Variants in PPME1 observed in about 807,000 individuals in gnomAD.
The protein encoded by PPME1 is testicular secretory protein Li 39.
In PPME1, 17 loss-of-function variants were observed where a neutral mutation model predicts 56.9. That is an observed-to-expected ratio of 0.30 (90% CI 0.20 to 0.45). The LOEUF is 0.45. Ranked by LOEUF, PPME1 falls within the 20% of genes least tolerant of loss-of-function variation. The probability of loss-of-function intolerance (pLI) is 1.00; values close to 1 mark genes in which losing one functional copy is unlikely to be tolerated. For missense variants in PPME1, 357 were observed against 483.2 expected (o/e 0.74, Z 2.45); for synonymous variants, 122 against 156.2 (o/e 0.78, Z 1.63).
chr11:74,173,383 G>T (rs1857331459), intron 1 of PPME1, among the ~76,000 whole-genome samples: 1 of 151,826 alleles, frequency 6.6e-6, no homozygotes, highest in African/African-American at 2.4e-5. Context: ...ACATTCCTTA[G>T]ATAAGCTTAA....
chr11:74,209,931 C>T (rs1259977169), intron 3 of PPME1, among the ~76,000 whole-genome samples: 1 of 152,144 alleles, frequency 6.6e-6, no homozygotes, highest in Non-Finnish European at 1.5e-5. Context: ...CATAGTGGCA[C>T]ATAACCTATA....
chr11:74,253,635 G>C lies in PPME1; in HGVS notation c.*125G>C. The C allele has an allele frequency of 2.7e-6, 3 of 1,104,744 alleles. No individual in the cohort carries two copies. The highest frequency in any genetic ancestry group is 4.1e-6 in the Non-Finnish European group (3 of 726,400). The allele number at this position is 1,104,744 out of a possible 1,614,324, so 68.4% of individuals were successfully genotyped here. A position where few individuals can be genotyped will look rare whatever the true frequency, so the allele number is the denominator to read the frequency against. ...CATGTGACACTGGCTCCCGGTAGAC[G>C]GGCACCCCGAGATGTACCAACCTTT... On this transcript the variant is annotated 3_prime_UTR_variant, in exon 14 of 14. Coordinates refer to ENST00000328257, the MANE Select transcript of PPME1 (RefSeq NM_016147.3).
intron 3 of PPME1, among the ~76,000 whole-genome samples, chr11:74,220,446 G>C (rs1195936716): frequency 1.3e-5 from 2 of 152,132 alleles, no homozygotes; most frequent in Non-Finnish European, 2.9e-5. Context: ...TTTGCCCCTG[G>C]GCAGTAGTAT....
intron 3 of PPME1, among the ~76,000 whole-genome samples, chr11:74,207,840 G>C (rs1237956144): frequency 6.6e-6 from 1 of 152,198 alleles, no homozygotes; most frequent in Non-Finnish European, 1.5e-5. Context: ...ATGGTTTTCA[G>C]CTTTGGTACC....
intron 4 of PPME1, chr11:74,222,603 C>A: frequency 2.2e-6 from 1 of 453,340 alleles, no homozygotes; most frequent in Non-Finnish European, 4.1e-6. Context: ...ATTATCCTGC[C>A]TCAGTCTCCC....
chr11:74,202,755 A>C (rs779359901), intron 1 of PPME1, among the ~76,000 whole-genome samples: 1 of 152,200 alleles, frequency 6.6e-6, no homozygotes, highest in Non-Finnish European at 1.5e-5. Context: ...ATTTTTTAAT[A>C]ATACATGATC....
At chr11:74,231,451 G>A (rs945723083) in intron 7 of PPME1, among the ~76,000 whole-genome samples, 23 of 152,116 alleles carry the variant, frequency 1.5e-4, no homozygotes, top group Non-Finnish European at 3.2e-4. Flanking sequence ...TTCTTTTTTA[G>A]GTCAAGCACC....
At chr11:74,187,650 C>G (rs1857720532) in intron 1 of PPME1, among the ~76,000 whole-genome samples, 1 of 151,804 alleles carries the variant, frequency 6.6e-6, no homozygotes, top group Non-Finnish European at 1.5e-5. Flanking sequence ...AGGATTTTGC[C>G]CTACACATTT....
At chr11:74,234,006 G>A (rs748973961) in intron 7 of PPME1, among the ~76,000 whole-genome samples, 1 of 152,200 alleles carries the variant, frequency 6.6e-6, no homozygotes, top group Non-Finnish European at 1.5e-5. Context: ...CATAGACGAG[G>A]ATGGCAACAG....
chr11:74,225,779 A>C (rs1276651426), intron 5 of PPME1, among the ~76,000 whole-genome samples: 1 of 152,172 alleles, frequency 6.6e-6, no homozygotes, highest in African/African-American at 2.4e-5. Flanking sequence ...GAATCACTTG[A>C]GAAGTTACTA....
Position 74,203,701 on chromosome 11 carries a change from A to G in PPME1, c.102-27A>G, listed in dbSNP as rs768760720. 3 of 1,575,970 alleles carry G rather than the reference A, an allele frequency of 1.9e-6. No individual in the cohort carries two copies. The Admixed American group carries it at 5.3e-5, about 28-fold the overall frequency. ...TATCTCTTTATGCATAATTTTTCTG[A>G]AATGTCTCTCTCTTTTTTTTCCTCA... On this transcript the variant is annotated intron_variant, in intron 1 of 13. Coordinates refer to ENST00000328257, the MANE Select transcript of PPME1 (RefSeq NM_016147.3).
intron 4 of PPME1, 148 bp downstream of exon 4, chr11:74,222,517 C>T: frequency 1.4e-6 from 1 of 727,390 alleles, no homozygotes; most frequent in Non-Finnish European, 2.3e-6. Flanking sequence ...GAGATGGAGT[C>T]TCATTCTGTC....
chr11:74,178,060 G>A (rs1325058943), intron 1 of PPME1, among the ~76,000 whole-genome samples: 1 of 152,116 alleles, frequency 6.6e-6, no homozygotes, highest in African/African-American at 2.4e-5. Context: ...ATTTATTATT[G>A]ATAGGATGTT....
At chr11:74,192,091 G>T (rs1369574118) in intron 1 of PPME1, among the ~76,000 whole-genome samples, 1 of 152,218 alleles carries the variant, frequency 6.6e-6, no homozygotes, top group Admixed American at 6.5e-5. Context: ...AGAAAAGCTG[G>T]CAGGGCTATA....
chr11:74,235,768 T>G lies in PPME1; in HGVS notation c.645-133T>G, dbSNP rs1859175122. 5 of 1,411,550 alleles carry G rather than the reference T, an allele frequency of 3.5e-6. No homozygotes were observed. The Admixed American group carries it at 1.1e-4, about 31-fold the overall frequency. 87.4% of individuals were successfully genotyped at this position (1,411,550 alleles called of 1,614,324 possible). On this transcript the variant is annotated intron_variant, in intron 7 of 13. Transcript: ENST00000328257. ...CCAGGTGAGTAATAGTGGCAATCTC[T>G]ATAGTAAGAAACACTGGTGATCACT...
At position 74,230,864 on chromosome 11, in the gene PPME1, G is replaced by T. The variant is rs1859047819; in HGVS notation, c.554-48G>T. 2.9e-6 allele frequency: 4 copies of T among 1,370,802 alleles called. No homozygotes were observed. 84.9% of individuals were successfully genotyped at this position (1,370,802 alleles called of 1,614,324 possible). A position where few individuals can be genotyped will look rare whatever the true frequency, so the allele number is the denominator to read the frequency against. ...AGTAGTTGACTCAGTAAGTGTAAATGCTCAGAATAAGTTAAATATGTGGTT... is the reference window on the plus strand; with the variant it reads ...AGTAGTTGACTCAGTAAGTGTAAATTCTCAGAATAAGTTAAATATGTGGTT... On this transcript the variant is annotated intron_variant, in intron 6 of 13. Transcript: ENST00000328257. This position sits in a 1 kb window ranked among gnomAD's most constrained non-coding sequence, Gnocchi z 4.9.
At chr11:74,249,345 C>T (rs1344106478) in intron 11 of PPME1, 1 of 152,228 alleles carries the variant, frequency 6.6e-6, no homozygotes, top group Non-Finnish European at 1.5e-5. Flanking sequence ...TTTAGGCTCT[C>T]TGAACCTAAG....
chr11:74,249,524 T>C (rs1383714879), intron 11 of PPME1: 1 of 152,222 alleles, frequency 6.6e-6, no homozygotes, highest in African/African-American at 2.4e-5. Context: ...GAAGGACAAA[T>C]GCGTCCCTAG....
chr11:74,199,080 A>G (rs1445579664), intron 1 of PPME1, among the ~76,000 whole-genome samples: 6 of 152,176 alleles, frequency 3.9e-5, no homozygotes, highest in Non-Finnish European at 4.4e-5. Context: ...AGTGTTCCCT[A>G]TGACAGGCAG....
Sources: allele counts gnomAD v4.1 joint callset (sites outside exome capture counted in the v4.1 genomes callset), GRCh38; gene constraint gnomAD v4.1.1; non-coding constraint Gnocchi (gnomAD v3.1); transcripts MANE v1.5; gene names NCBI Gene and HGNC (gene_info 2026-07-23, HGNC 2026-07-21).